The following GRID1 variants were observed in gnomAD, a reference collection of about 807,000 sequenced individuals.
GRID1 encodes glutamate ionotropic receptor delta type subunit 1.
Under a neutral mutation model 98.0 loss-of-function variants are expected in GRID1, and 28 were observed. That is an observed-to-expected ratio of 0.29 (90% CI 0.21 to 0.39). The LOEUF (loss-of-function observed/expected upper bound fraction) is 0.39, where lower values mean the gene tolerates loss of function less well. GRID1 is among the 10% of genes least tolerant of loss of function. GRID1 has a pLI of 1.00. For missense variants in GRID1, 1,111 were observed against 1,340.5 expected (o/e 0.83, Z 2.67); for synonymous variants, 553 against 538.5 (o/e 1.03, Z -0.37).
At chr10:85,774,549 T>C (rs528450646) in intron 8 of GRID1, among the ~76,000 whole-genome samples, 1 of 151,434 alleles carries the variant, frequency 6.6e-6, no homozygotes, top group East Asian at 1.9e-4. Flanking sequence ...ACCTACAACA[T>C]GGGAGAAAAT....
intron 8 of GRID1, among the ~76,000 whole-genome samples, chr10:85,760,168 C>T (rs1004817707): frequency 6.6e-6 from 1 of 152,224 alleles, no homozygotes; most frequent in Non-Finnish European, 1.5e-5. Context: ...TGCAGTCAGA[C>T]AGCCCTGCTG....
intron 2 of GRID1, among the ~76,000 whole-genome samples, chr10:86,284,426 G>T (rs1847400409): frequency 6.6e-6 from 1 of 152,206 alleles, no homozygotes; most frequent in Non-Finnish European, 1.5e-5. Context: ...GAACTGAGAG[G>T]TTCCATCTCC....
chr10:85,842,080 C>T (rs1360283285), intron 8 of GRID1, among the ~76,000 whole-genome samples: 4 of 152,012 alleles, frequency 2.6e-5, no homozygotes, highest in East Asian at 3.9e-4. Context: ...AACCTAAATG[C>T]CCATCAATGC....
intron 3 of GRID1, among the ~76,000 whole-genome samples, chr10:86,160,931 T>C (rs1370044071): frequency 6.6e-6 from 1 of 152,220 alleles, no homozygotes; most frequent in African/African-American, 2.4e-5. Flanking sequence ...AAACAAAGCA[T>C]CCTTATTATT....
At chr10:85,826,607 T>C (rs1252961284) in intron 8 of GRID1, among the ~76,000 whole-genome samples, 1 of 151,958 alleles carries the variant, frequency 6.6e-6, no homozygotes, top group Non-Finnish European at 1.5e-5. Flanking sequence ...CCCTGCCACA[T>C]TCACCCTGCC....
chr10:85,949,533 C>T (rs1437377536), intron 4 of GRID1, among the ~76,000 whole-genome samples: 1 of 152,064 alleles, frequency 6.6e-6, no homozygotes, highest in Admixed American at 6.6e-5. Context: ...TATCCAAACA[C>T]CTATTGATTT....
At chr10:85,851,991 C>G (rs1035049682) in intron 8 of GRID1, among the ~76,000 whole-genome samples, 7 of 152,094 alleles carry the variant, frequency 4.6e-5, no homozygotes, top group Admixed American at 3.9e-4. Context: ...TACCACTCAG[C>G]TCTGCCTCCA....
intron 8 of GRID1, among the ~76,000 whole-genome samples, chr10:85,734,126 G>A (rs75527695): frequency 0.11 from 16,777 of 152,150 alleles, 1,193 homozygotes; most frequent in African/African-American, 0.21. Context: ...TGCTTTGGCT[G>A]TAAGGAATTT....
chr10:85,940,066 C>CAA (rs34122685), intron 4 of GRID1, among the ~76,000 whole-genome samples: 58 of 99,116 alleles, frequency 5.9e-4, no homozygotes, highest in South Asian at 1.1e-3. Context: ...GACTCCCTCT[C>CAA]AAAAAAAAAA....
At position 85,716,056 on chromosome 10, in the gene GRID1, G is replaced by A. The variant is rs192212244; in HGVS notation, c.1997+6947C>T. The stretch of plus-strand genomic sequence containing the variant: ...TGAGTAGCTGGGATCACAGGTGCCC[G>A]CCACCATGCCTGGCTGCTTTTTGTA... On this transcript the variant is annotated intron_variant, in intron 12 of 15. Transcript: ENST00000327946. Among the ~76,000 whole-genome samples the A allele has an allele frequency of 2.1e-4, 32 of 152,016 alleles. 1 individual carries two copies. Among genetic ancestry groups the A allele is most frequent in the African/African-American group, 1.7e-4 (7 of 41,464 alleles).
chr10:85,952,613 C>T (rs1344262721), intron 4 of GRID1, among the ~76,000 whole-genome samples: 1 of 151,812 alleles, frequency 6.6e-6, no homozygotes, highest in Non-Finnish European at 1.5e-5. Flanking sequence ...GCTCACTCCC[C>T]AAAGAAAGCC....
At chr10:86,261,076 C>T (rs975603528) in intron 2 of GRID1, among the ~76,000 whole-genome samples, 1 of 152,212 alleles carries the variant, frequency 6.6e-6, no homozygotes, top group African/African-American at 2.4e-5. Flanking sequence ...AAACACCCAG[C>T]CATGAGGGCT....
rs758467871 is a variant in GRID1, at chr10:85,602,330, G to C, written c.2973C>G (p.Pro991=). The C allele has an allele frequency of 1.3e-6, 2 of 1,561,506 alleles. No homozygotes were observed. The highest frequency in any genetic ancestry group is 1.2e-5 in the South Asian group (1 of 82,424). Reference sequence around the variant, plus strand: ...CCTCTGGAAGGACGCCTCCAGGCACGGGCTGGAAGGACATGGGGATGGGGG... The same window carrying C: ...CCTCTGGAAGGACGCCTCCAGGCACCGGCTGGAAGGACATGGGGATGGGGG... ...VKTPIPMSFQ[P]VPGGVLPEAL... Residue 991 remains proline, a synonymous_variant, in exon 16 of 16, where the codon CCC becomes CCG. Coordinates refer to ENST00000327946, the MANE Select transcript of GRID1 (RefSeq NM_017551.3).
At chr10:86,072,501 T>C (rs948229748) in intron 4 of GRID1, among the ~76,000 whole-genome samples, 3 of 152,114 alleles carry the variant, frequency 2.0e-5, no homozygotes, top group Admixed American at 6.5e-5. Flanking sequence ...TTTTATTGGG[T>C]AAAGAAATGT....
At chr10:86,123,778 C>G (rs1306590642) in intron 4 of GRID1, among the ~76,000 whole-genome samples, 1 of 152,234 alleles carries the variant, frequency 6.6e-6, no homozygotes, top group Non-Finnish European at 1.5e-5. Flanking sequence ...GCAAGGCAGG[C>G]CCATGTGCAC....
At chr10:85,951,752 C>T (rs1462269083) in intron 4 of GRID1, among the ~76,000 whole-genome samples, 2 of 152,188 alleles carry the variant, frequency 1.3e-5, no homozygotes, top group Non-Finnish European at 2.9e-5. Context: ...GCCCCAGGGC[C>T]CGCAGGTGCT....
At chr10:85,689,072 AC>A (rs1474935195) in intron 12 of GRID1, among the ~76,000 whole-genome samples, 3 of 152,156 alleles carry the variant, frequency 2.0e-5, no homozygotes, top group African/African-American at 7.2e-5. Flanking sequence ...CAACATATTA[AC>A]CATCCCAGGC....
chr10:85,674,321 C>T (rs1023689323), intron 12 of GRID1, among the ~76,000 whole-genome samples: 3 of 152,168 alleles, frequency 2.0e-5, no homozygotes, highest in Non-Finnish European at 4.4e-5. Context: ...GAAAGCCCCC[C>T]TCAGAACGGG....
chr10:85,830,889 G>A (rs182381029), intron 8 of GRID1, among the ~76,000 whole-genome samples: 16 of 152,240 alleles, frequency 1.1e-4, no homozygotes, highest in South Asian at 2.1e-4. Context: ...CAGCCATTGC[G>A]GAAAGTAGTG....
Sources: gnomAD v4.1 joint callset for allele counts (sites outside exome capture counted in the v4.1 genomes callset) on GRCh38, gnomAD v4.1.1 for gene constraint, MANE v1.5 for transcripts, NCBI Gene and HGNC (gene_info 2026-07-23, HGNC 2026-07-21) for gene names.